Variants in ABCG5 observed in about 807,000 individuals in gnomAD.
ABCG5 encodes the protein ATP binding cassette subfamily G member 5.
Under a neutral mutation model 64.5 loss-of-function variants are expected in ABCG5, and 64 were observed. The ratio of observed to expected loss-of-function variants is 0.99; its 90% CI spans 0.81 to 1.22. The LOEUF (loss-of-function observed/expected upper bound fraction) is 1.22, where lower values mean the gene tolerates loss of function less well. Ranked by LOEUF, ABCG5 falls within the 50% of genes most tolerant of loss-of-function variation. The pLI, the probability that ABCG5 is intolerant of heterozygous loss-of-function variation, is 0.00. For synonymous variants in ABCG5, 385 were observed against 326.3 expected (o/e 1.18, Z -1.94); for missense variants, 908 against 829.5 (o/e 1.09, Z -1.16).
At chr2:43,834,417 A>G (rs1175044627) in intron 2 of ABCG5, among the ~76,000 whole-genome samples, 2 of 152,220 alleles carry the variant, frequency 1.3e-5, no homozygotes, top group Non-Finnish European at 2.9e-5. Context: ...AGACAGGACT[A>G]CCCAACCAAG....
intron 2 of ABCG5, among the ~76,000 whole-genome samples, chr2:43,836,112 T>C (rs1249250875): frequency 6.6e-6 from 1 of 152,104 alleles, no homozygotes; most frequent in Non-Finnish European, 1.5e-5. Flanking sequence ...AATTTTTTTT[T>C]TGCATTTTTA....
intron 4 of ABCG5, among the ~76,000 whole-genome samples, chr2:43,830,079 G>A (rs3923911): frequency 0.35 from 53,353 of 152,014 alleles, 10,571 homozygotes; most frequent in East Asian, 0.82. Context: ...GTAGATTCCC[G>A]AGCCTCCTTC....
rs1261361171 is a variant in ABCG5, at chr2:43,838,769, T to A, written c.-90A>T. Reference sequence around the variant, plus strand: ...TTGGGGAGCCCGTGGCAGACTGCCCTGCCTGCTCCACCTGACCCCGGAGTC... The same window carrying A: ...TTGGGGAGCCCGTGGCAGACTGCCCAGCCTGCTCCACCTGACCCCGGAGTC... On this transcript the variant is annotated 5_prime_UTR_variant, in exon 1 of 13. Transcript: ENST00000405322. This position sits in a 1 kb window ranked among gnomAD's most constrained non-coding sequence, Gnocchi z 4.2. 3 of 1,566,870 alleles carry A rather than the reference T, an allele frequency of 1.9e-6. No homozygotes were observed. Among genetic ancestry groups the A allele is most frequent in the Non-Finnish European group, 2.6e-6 (3 of 1,157,048 alleles).
chr2:43,835,245 C>G (rs1001586760), intron 2 of ABCG5, among the ~76,000 whole-genome samples: 13 of 49,562 alleles, frequency 2.6e-4, no homozygotes, highest in African/African-American at 1.5e-3. Context: ...CAACATTGGC[C>G]TTTGGGGTGC....
chr2:43,830,061 C>G (rs548618781), intron 4 of ABCG5, among the ~76,000 whole-genome samples: 1 of 152,192 alleles, frequency 6.6e-6, no homozygotes, highest in East Asian at 1.9e-4. Context: ...CTGTGCTGAC[C>G]AGCCAGGGTA....
intron 11 of ABCG5, among the ~76,000 whole-genome samples, chr2:43,815,303 T>C (rs577479298): frequency 1.3e-5 from 2 of 152,346 alleles, no homozygotes; most frequent in African/African-American, 4.8e-5. Flanking sequence ...TATAAAATTC[T>C]TTCTGTTTGC....
chr2:43,824,834 G>A, intron 7 of ABCG5, 55 bp downstream of exon 7: 1 of 1,603,130 alleles, frequency 6.2e-7, no homozygotes, highest in Non-Finnish European at 8.5e-7. Context: ...GCAGAAGTCT[G>A]AGATGAGAAA....
chr2:43,835,422 T>G (rs1425138788), intron 2 of ABCG5, among the ~76,000 whole-genome samples: 1 of 152,170 alleles, frequency 6.6e-6, no homozygotes, highest in Non-Finnish European at 1.5e-5. Context: ...AGAGGCAGTT[T>G]TTTTTCTTTT....
chr2:43,807,903 T>G (rs551167627), downstream of ABCG5, among the ~76,000 whole-genome samples: 5 of 152,304 alleles, frequency 3.3e-5, no homozygotes, highest in South Asian at 8.3e-4. Flanking sequence ...GTTGAAGATC[T>G]AGTGGACTTG....
chr2:43,814,925 A>G lies in ABCG5; in HGVS notation c.1650-336T>C, dbSNP rs763387515. Among the ~76,000 whole-genome samples the G allele has an allele frequency of 8.5e-5, 13 of 152,358 alleles. 1 individual carries two copies. The highest frequency in any genetic ancestry group is 6.2e-4 in the South Asian group (3 of 4,824). ...CAGACATCCTTCCAAGTCAGTAAGC[A>G]TAGCACTTTGTCATTTTTAGGCACA... On this transcript the variant is annotated intron_variant, in intron 11 of 12. Transcript: ENST00000405322.
intron 2 of ABCG5, among the ~76,000 whole-genome samples, chr2:43,833,908 T>C (rs987534877): frequency 3.3e-5 from 5 of 152,096 alleles, no homozygotes; most frequent in Non-Finnish European, 5.9e-5. Flanking sequence ...GGTCTTGAAC[T>C]CCTGACCACA....
chr2:43,815,586 T>A (rs774313695), intron 11 of ABCG5, among the ~76,000 whole-genome samples: 2 of 152,136 alleles, frequency 1.3e-5, no homozygotes, highest in Non-Finnish European at 2.9e-5. Flanking sequence ...AGGTTGCTAA[T>A]TGAAAAGGAT....
intron 2 of ABCG5, among the ~76,000 whole-genome samples, chr2:43,837,597 T>C (rs572616719): frequency 2.0e-5 from 3 of 152,228 alleles, no homozygotes; most frequent in African/African-American, 4.8e-5. Flanking sequence ...CATGGAACTG[T>C]GGGGGCTTTT....
downstream of ABCG5, among the ~76,000 whole-genome samples, chr2:43,812,186 G>C (rs1015687825): frequency 4.6e-5 from 7 of 152,036 alleles, no homozygotes; most frequent in Non-Finnish European, 1.0e-4. Context: ...GAGCAGCTGG[G>C]ATTACAGATG....
intron 11 of ABCG5, among the ~76,000 whole-genome samples, chr2:43,815,743 G>T (rs1666772320): frequency 6.6e-6 from 1 of 152,042 alleles, no homozygotes; most frequent in Admixed American, 6.6e-5. Flanking sequence ...ACAGTGGGAG[G>T]GGAGCTCGGA....
chr2:43,819,648 C>T (rs904031038), intron 11 of ABCG5, among the ~76,000 whole-genome samples: 1 of 152,114 alleles, frequency 6.6e-6, no homozygotes, highest in Admixed American at 6.5e-5. Context: ...TGGTTTTCTT[C>T]TCTTGGTATA....
intron 10 of ABCG5, 147 bp from the exon 11 acceptor site, chr2:43,820,247 TG>T (rs1186664150): frequency 4.5e-6 from 4 of 887,834 alleles, no homozygotes; most frequent in Middle Eastern, 2.3e-4. Flanking sequence ...AAGGCCGTTT[TG>T]GAAAGGAGTC....
chr2:43,814,344 G>A (rs1245082220), intron 12 of ABCG5, 133 bp downstream of exon 12: 1 of 663,872 alleles, frequency 1.5e-6, no homozygotes, highest in Non-Finnish European at 2.7e-6. Context: ...GAAAATGTTG[G>A]ACTGTATTTC....
In ABCG5 at chr2:43,828,070, G is replaced by A. The variant is rs145300824; in HGVS notation, c.547C>T (p.Arg183Ter). 29 of 1,614,048 alleles carry A rather than the reference G, an allele frequency of 1.8e-5. No individual in the cohort carries two copies. Among genetic ancestry groups the A allele is most frequent in the East Asian group, 2.2e-5 (1 of 44,864 alleles). ...CCCAAGCTGTAGTTGCCAATCAGTC[G>A]GTCTGCCACATGGCTCAGACTCAGC... ...AELSLSHVAD[R>*]LIGNYSLGGI... Residue 183 changes from arginine to a stop codon, truncating the protein, a stop_gained, in exon 5 of 13, where the codon CGA becomes TGA. Transcript: ENST00000405322. LOFTEE classifies it high-confidence loss of function.
Sources: gnomAD v4.1 joint callset for allele counts (sites outside exome capture counted in the v4.1 genomes callset) on GRCh38, gnomAD v4.1.1 for gene constraint, Gnocchi (gnomAD v3.1) non-coding constraint, MANE v1.5 for transcripts, NCBI Gene and HGNC (gene_info 2026-07-23, HGNC 2026-07-21) for gene names.